The following TLK1 variants were observed in gnomAD, a reference collection of about 807,000 sequenced individuals.
TLK1 encodes serine/threonine-protein kinase tousled-like 1.
A neutral mutation model predicts 105.3 loss-of-function variants in TLK1; 24 were observed. The observed-to-expected ratio is 0.23, with a 90% confidence interval of 0.17 to 0.32. The LOEUF (loss-of-function observed/expected upper bound fraction) is 0.32. Among genes scored for constraint, TLK1 ranks in the 10% least tolerant of loss-of-function variants. The pLI is 1.00. For synonymous variants in TLK1, 321 were observed against 310.4 expected, an observed-to-expected ratio of 1.03 and a Z score of -0.36; for missense variants, 558 against 910.5, an observed-to-expected ratio of 0.61 and a Z score of 4.98.
intron 1 of TLK1, among the ~76,000 whole-genome samples, chr2:171,122,282 G>A (rs950256701): frequency 1.3e-5 from 2 of 152,132 alleles, no homozygotes; most frequent in Admixed American, 1.3e-4. Flanking sequence ...ATATTTTAAA[G>A]AGGCAATATA....
At chr2:171,123,659 T>C (rs1207980986) in intron 1 of TLK1, among the ~76,000 whole-genome samples, 2 of 151,998 alleles carry the variant, frequency 1.3e-5, no homozygotes, top group Non-Finnish European at 1.5e-5. Flanking sequence ...ATTAAAAAAA[T>C]AAAACCTAAG....
At chr2:171,003,273 CAAAAAAA>C (rs777049271) in intron 18 of TLK1, among the ~76,000 whole-genome samples, 5 of 68,504 alleles carry the variant, frequency 7.3e-5, no homozygotes, top group African/African-American at 4.1e-4. Context: ...GACTCCGTCT[CAAAAAAA>C]AAAAAAAAAA....
At chr2:171,220,695 C>T (rs1693792224) in intron 1 of TLK1, among the ~76,000 whole-genome samples, 1 of 151,878 alleles carries the variant, frequency 6.6e-6, no homozygotes, top group Admixed American at 6.6e-5. Context: ...TCCCCTCACC[C>T]ATACAACTAT....
chr2:171,165,357 C>T (rs1030562916), upstream of TLK1, among the ~76,000 whole-genome samples: 1 of 152,086 alleles, frequency 6.6e-6, no homozygotes, highest in African/African-American at 2.4e-5. Flanking sequence ...GGTGATAGGG[C>T]AATGCAGGAG....
chr2:171,014,467 TG>T (rs1483521437), intron 13 of TLK1, among the ~76,000 whole-genome samples: 1 of 152,056 alleles, frequency 6.6e-6, no homozygotes, highest in African/African-American at 2.4e-5. Context: ...CTTGAGTAGC[TG>T]GAACTATAGG....
chr2:171,072,629 G>T (rs1005732813), intron 3 of TLK1, among the ~76,000 whole-genome samples: 1 of 152,170 alleles, frequency 6.6e-6, no homozygotes, highest in African/African-American at 2.4e-5. Context: ...TTAGCCAAGC[G>T]TGGTGGTGGG....
rs779790578 is a variant in TLK1 at position 171,050,187 on chromosome 2, T to A, written c.733-13A>T. ...GATCACAGTTAGCCTATGACATAAGTAGAAAATGCAAGAGGTCTAGACTGG... is the reference window on the plus strand; with the variant it reads ...GATCACAGTTAGCCTATGACATAAGAAGAAAATGCAAGAGGTCTAGACTGG... On this transcript the variant is annotated splice_polypyrimidine_tract_variant and intron_variant, in intron 8 of 20. Transcript: ENST00000431350. The A allele has an allele frequency of 5.1e-6, 8 of 1,576,498 alleles. No individual in the cohort carries two copies. The East Asian group carries it at 1.6e-4, about 31-fold the overall frequency.
intron 1 of TLK1, among the ~76,000 whole-genome samples, chr2:171,179,680 G>A (rs1285563470): frequency 6.6e-6 from 1 of 152,130 alleles, no homozygotes; most frequent in Non-Finnish European, 1.5e-5. Flanking sequence ...AGGAGCAGCC[G>A]GGTGCAGTGG....
At position 171,160,523 on chromosome 2, in the gene TLK1, G is replaced by A. The variant is rs890147473; in HGVS notation, c.-95C>T. On this transcript the variant is annotated 5_prime_UTR_variant, in exon 1 of 21. Coordinates refer to ENST00000431350, the MANE Select transcript of TLK1 (RefSeq NM_012290.5). This position sits in a 1 kb window ranked among gnomAD's most constrained non-coding sequence, Gnocchi z 4.4. ...TCCGTCATGGCGGGGGCCGCGCTGA[G>A]GGCGAGCGAGAGAGCGAGGGCTGGG... 1.3e-6 allele frequency: 2 copies of A among 1,555,910 alleles called. No individual in the cohort carries two copies. Among genetic ancestry groups the A allele is most frequent in the Admixed American group, 2.1e-5 (1 of 46,952 alleles).
At chr2:171,227,508 G>A (rs909863348) in intron 1 of TLK1, among the ~76,000 whole-genome samples, 2 of 148,676 alleles carry the variant, frequency 1.3e-5, no homozygotes, top group Non-Finnish European at 3.0e-5. Context: ...AATAATCTGG[G>A]AGTCACGATA....
intron 1 of TLK1, among the ~76,000 whole-genome samples, chr2:171,218,152 G>T (rs1171261488): frequency 6.6e-6 from 1 of 152,202 alleles, no homozygotes; most frequent in Non-Finnish European, 1.5e-5. Context: ...TACTCGGGAG[G>T]TTGAGGCAGG....
intron 3 of TLK1, among the ~76,000 whole-genome samples, chr2:171,077,118 T>C (rs554951145): frequency 9.1e-4 from 139 of 152,318 alleles, no homozygotes; most frequent in Non-Finnish European, 1.6e-3. Flanking sequence ...ATAAAATTTT[T>C]ATCAGTCCTC....
chr2:171,006,765 C>G (rs375648856), intron 16 of TLK1, 35 bp downstream of exon 16: 1 of 1,598,958 alleles, frequency 6.3e-7, no homozygotes, highest in South Asian at 1.1e-5. Context: ...GCAAGCATAT[C>G]TTTCCTTAAA....
At chr2:171,103,519 G>A (rs1689788146) in intron 2 of TLK1, among the ~76,000 whole-genome samples, 1 of 151,958 alleles carries the variant, frequency 6.6e-6, no homozygotes, top group Non-Finnish European at 1.5e-5. Context: ...TGGGATTACA[G>A]GCATGAGCCA....
intron 3 of TLK1, among the ~76,000 whole-genome samples, chr2:171,072,616 AT>A (rs1486507771): frequency 6.6e-6 from 1 of 152,196 alleles, no homozygotes; most frequent in African/African-American, 2.4e-5. Context: ...TTAAAAAAAA[AT>A]ATTAGCCAAG....
chr2:171,022,082 GAA>G (rs1553605625), intron 12 of TLK1, among the ~76,000 whole-genome samples: 869 of 28,556 alleles, frequency 0.03, 12 homozygotes, highest in Middle Eastern at 0.15. Flanking sequence ...CAGCCTGGGC[GAA>G]AAACACACAC....
intron 1 of TLK1, among the ~76,000 whole-genome samples, chr2:171,122,855 A>G (rs1690710112): frequency 6.6e-6 from 1 of 151,978 alleles, no homozygotes; most frequent in Non-Finnish European, 1.5e-5. Flanking sequence ...CCTGGCCAAC[A>G]TGGTGAAACC....
Position 171,141,865 on chromosome 2 carries a change from G to A in TLK1, c.139+18425C>T, listed in dbSNP as rs76398361. ...AGAAAATCAACCCAGCTAGAAGCCT[G>A]GAAATGCACTAAAGATTGAAGAAAA... On this transcript the variant is annotated intron_variant, in intron 1 of 20. Transcript: ENST00000431350. Among the ~76,000 whole-genome samples the A allele has an allele frequency of 5.9e-4, 90 of 152,170 alleles. 2 individuals are homozygous for A. In the East Asian group the frequency reaches 0.017, roughly 29 times the overall value.
At chr2:171,117,951 T>G in intron 1 of TLK1, 94 bp from the exon 2 acceptor site, 1 of 833,708 alleles carries the variant, frequency 1.2e-6, no homozygotes, top group Non-Finnish European at 1.7e-6. Flanking sequence ...AGTTAAGATG[T>G]TAAAAATTTA....
Sources: allele counts gnomAD v4.1 joint callset (sites outside exome capture counted in the v4.1 genomes callset), GRCh38; gene constraint gnomAD v4.1.1; non-coding constraint Gnocchi (gnomAD v3.1); transcripts MANE v1.5; gene names NCBI Gene and HGNC (gene_info 2026-07-23, HGNC 2026-07-21).